KCNN2: variants seen among roughly 807,000 people sequenced by gnomAD.
The protein encoded by KCNN2 is small conductance calcium-activated potassium channel protein 2.
In KCNN2, 24 loss-of-function variants were observed where a neutral mutation model predicts 55.5. The ratio of observed to expected loss-of-function variants is 0.43; its 90% CI spans 0.31 to 0.61. KCNN2 has a LOEUF of 0.61. Ranked by LOEUF, KCNN2 falls within the 20% of genes least tolerant of loss-of-function variation. KCNN2 has a pLI of 0.08. For missense variants in KCNN2, 754 were observed against 853.6 expected, an observed-to-expected ratio of 0.88 and a Z score of 1.45; for synonymous variants, 431 against 336.1, an observed-to-expected ratio of 1.28 and a Z score of -3.09.
At chr5:114,182,850 T>C (rs1753265679) in intron 1 of KCNN2, among the ~76,000 whole-genome samples, 1 of 152,138 alleles carries the variant, frequency 6.6e-6, no homozygotes, top group Admixed American at 6.5e-5. Context: ...TTTGCTTGCA[T>C]TTCATTATTT....
chr5:114,243,681 C>T (rs1349287551), intron 2 of KCNN2, among the ~76,000 whole-genome samples: 1 of 152,066 alleles, frequency 6.6e-6, no homozygotes, highest in African/African-American at 2.4e-5. Flanking sequence ...CTTACTGTGC[C>T]TAATTTATAA....
At chr5:114,318,524 T>C (rs1478771356) in intron 2 of KCNN2, among the ~76,000 whole-genome samples, 1 of 151,878 alleles carries the variant, frequency 6.6e-6, no homozygotes, top group Non-Finnish European at 1.5e-5. Context: ...TACTATATTA[T>C]ACCACTATAT....
At chr5:114,287,471 C>T (rs964780080) in intron 2 of KCNN2, among the ~76,000 whole-genome samples, 23 of 152,120 alleles carry the variant, frequency 1.5e-4, no homozygotes, top group Middle Eastern at 3.4e-3. Flanking sequence ...AGCTGGAAAC[C>T]GTCATCCTCA....
chr5:114,176,997 C>T (rs1753143121), intron 1 of KCNN2, among the ~76,000 whole-genome samples: 1 of 152,166 alleles, frequency 6.6e-6, no homozygotes, highest in East Asian at 1.9e-4. Context: ...ACTCTCTTCT[C>T]ATGTCTGAAA....
At chr5:114,088,232 T>C (rs1751057918) in intron 1 of KCNN2, among the ~76,000 whole-genome samples, 1 of 152,216 alleles carries the variant, frequency 6.6e-6, no homozygotes, top group South Asian at 2.1e-4. Context: ...TGAAATGATG[T>C]AGGGCTGTGA....
intron 1 of KCNN2, among the ~76,000 whole-genome samples, chr5:114,073,898 A>G (rs1340589226): frequency 6.6e-6 from 1 of 152,228 alleles, no homozygotes; most frequent in Non-Finnish European, 1.5e-5. Flanking sequence ...GTAAACAACT[A>G]AAAAATAGAC....
rs760505165 is a variant in KCNN2 at position 114,404,584 on chromosome 5, C to T, written c.1365C>T (p.Phe455=). The change falls in exon 3 of 8, where the codon TTC becomes TTT. Residue 455 remains phenylalanine (F), a synonymous_variant. Coordinates refer to ENST00000673685, the MANE Select transcript of KCNN2 (RefSeq NM_021614.4). ...TCACATGGACGGCCCGGCTTGCCTT[C>T]TCCTATGCCCCATCCACAACCACCG... ...YTFTWTARLA[F]SYAPSTTTAD... 4.3e-6 allele frequency: 7 copies of T among 1,613,816 alleles called. No individual in the cohort carries two copies. The highest frequency in any genetic ancestry group is 2.2e-5 in the East Asian group (1 of 44,890).
intron 1 of KCNN2, among the ~76,000 whole-genome samples, chr5:114,198,426 A>ATG (rs1417911351): frequency 6.8e-6 from 1 of 146,562 alleles, no homozygotes; most frequent in Non-Finnish European, 1.5e-5. Flanking sequence ...ATACGTATAT[A>ATG]TGTGTATATA....
intron 2 of KCNN2, among the ~76,000 whole-genome samples, chr5:114,373,626 T>G (rs1396485358): frequency 3.0e-5 from 2 of 66,462 alleles, no homozygotes; most frequent in Non-Finnish European, 6.6e-5. Context: ...TCTCATGGTG[T>G]TGTTATGAAG....
rs1434154682 is a variant in KCNN2 at position 114,292,156 on chromosome 5, A to C, written c.-184-68789A>C. On this transcript the variant is annotated intron_variant, in intron 2 of 10. Transcript: ENST00000512097. ...TTCTGTAGGTTGCCTGTTCACTCTG[A>C]TGGCAGTTTCTTTTGCTGTGCAGAA... 2.6e-5 allele frequency among the ~76,000 whole-genome samples: 4 copies of C among 152,136 alleles called. No homozygotes were observed. In the East Asian group the frequency reaches 7.7e-4, roughly 29 times the overall value.
intron 1 of KCNN2, among the ~76,000 whole-genome samples, chr5:114,161,300 T>A (rs374159615): frequency 0.21 from 32,064 of 150,802 alleles, 3,571 homozygotes; most frequent in Non-Finnish European, 0.25. Flanking sequence ...GGTTGAAAAT[T>A]CTTTTCTTTA....
chr5:114,243,273 A>G (rs577210130), intron 2 of KCNN2, among the ~76,000 whole-genome samples: 29 of 152,272 alleles, frequency 1.9e-4, no homozygotes, highest in Admixed American at 5.2e-4. Context: ...ATAGCAACTC[A>G]CACATATGTT....
rs79522880 is a variant in KCNN2 at position 114,097,917 on chromosome 5, C to T, written c.-271+41417C>T. ...TCCTTTTGCTGCTGTGACAAATTAC[C>T]ACAAACATAGTAGTTTAAAACAACA... is the stretch of plus-strand genomic sequence containing the variant. On this transcript the variant is annotated intron_variant, in intron 1 of 10. Transcript: ENST00000512097. Among the ~76,000 whole-genome samples the T allele has an allele frequency of 4.0e-3, 603 of 152,188 alleles. 4 individuals carry two copies. The highest frequency in any genetic ancestry group is 6.8e-3 in the Middle Eastern group (2 of 294).
chr5:114,317,549 T>C (rs946369724), intron 2 of KCNN2, among the ~76,000 whole-genome samples: 3 of 152,196 alleles, frequency 2.0e-5, no homozygotes, highest in African/African-American at 7.2e-5. Flanking sequence ...ATTAACCTCT[T>C]TCTGACTTAC....
chr5:114,252,369 A>G (rs1480412243), intron 2 of KCNN2, among the ~76,000 whole-genome samples: 2 of 152,164 alleles, frequency 1.3e-5, no homozygotes, highest in African/African-American at 4.8e-5. Context: ...TTGAGATGAC[A>G]GTTTCCTTCT....
intron 4 of KCNN2, among the ~76,000 whole-genome samples, chr5:114,465,310 T>G (rs1761389842): frequency 6.6e-6 from 1 of 152,142 alleles, no homozygotes; most frequent in Non-Finnish European, 1.5e-5. Flanking sequence ...GATCTTACTT[T>G]GCTTAAAAAA....
At chr5:114,138,960 A>G (rs1026915604) in intron 1 of KCNN2, among the ~76,000 whole-genome samples, 3 of 152,192 alleles carry the variant, frequency 2.0e-5, no homozygotes, top group Admixed American at 6.5e-5. Context: ...GCTAAAGAGT[A>G]TTCTAAAATA....
intron 2 of KCNN2, among the ~76,000 whole-genome samples, chr5:114,260,352 T>G (rs572420890): frequency 6.6e-6 from 1 of 152,358 alleles, no homozygotes; most frequent in African/African-American, 2.4e-5. Context: ...ATCTTTAAAT[T>G]GCTCTATACC....
At chr5:114,424,628 A>C (rs1357488577) in intron 3 of KCNN2, among the ~76,000 whole-genome samples, 4 of 152,344 alleles carry the variant, frequency 2.6e-5, no homozygotes, top group African/African-American at 9.6e-5. Flanking sequence ...CGGAGAGGCC[A>C]GGCACTGGAA....
Sources: allele counts gnomAD v4.1 joint callset (sites outside exome capture counted in the v4.1 genomes callset), GRCh38; gene constraint gnomAD v4.1.1; transcripts MANE v1.5; gene names NCBI Gene and HGNC (gene_info 2026-07-23, HGNC 2026-07-21).